PKIA: variants seen among roughly 807,000 people sequenced by gnomAD.
The protein encoded by PKIA is cAMP-dependent protein kinase inhibitor alpha, also known as PKI-alpha.
PKIA carries 4 observed loss-of-function variants against 7.6 expected under a neutral mutation model. The observed-to-expected ratio is 0.52, with a 90% CI of 0.26 to 1.20. PKIA has a LOEUF of 1.20. Among genes scored for constraint, PKIA ranks in the 50% most tolerant of loss-of-function variants. The pLI, the probability that PKIA is intolerant of heterozygous loss-of-function variation, is 0.13. For synonymous variants in PKIA, 21 were observed against 30.7 expected, an observed-to-expected ratio of 0.68 and a Z score of 1.04; for missense variants, 73 against 86.2, an observed-to-expected ratio of 0.85 and a Z score of 0.61.
chr8:78,562,496 C>G (rs1206871277), intron 1 of PKIA, among the ~76,000 whole-genome samples: 1 of 152,192 alleles, frequency 6.6e-6, no homozygotes, highest in South Asian at 2.1e-4. Flanking sequence ...CTCAAGTGCT[C>G]TGGCCCCCTT....
At chr8:78,567,874 T>C (rs897551273) in intron 1 of PKIA, among the ~76,000 whole-genome samples, 1 of 152,200 alleles carries the variant, frequency 6.6e-6, no homozygotes, top group Non-Finnish European at 1.5e-5. Context: ...TTAACCATTA[T>C]GAACTCTTTC....
intron 2 of PKIA, among the ~76,000 whole-genome samples, chr8:78,592,040 AT>A (rs1808110443): frequency 6.6e-6 from 1 of 152,110 alleles, no homozygotes; most frequent in Non-Finnish European, 1.5e-5. Context: ...CAAGTCGTCT[AT>A]ACAGGTATGC....
intron 1 of PKIA, among the ~76,000 whole-genome samples, chr8:78,541,271 T>C (rs965615196): frequency 6.6e-6 from 1 of 152,110 alleles, no homozygotes; most frequent in African/African-American, 2.4e-5. Flanking sequence ...AGTTGCACAG[T>C]TGGCAAGTGG....
chr8:78,544,382 C>T (rs932993683), intron 1 of PKIA, among the ~76,000 whole-genome samples: 3 of 152,200 alleles, frequency 2.0e-5, no homozygotes, highest in Non-Finnish European at 2.9e-5. Flanking sequence ...CCCTTTCTCC[C>T]TGTAATGGGC....
intron 1 of PKIA, among the ~76,000 whole-genome samples, chr8:78,560,365 A>G (rs1461008763): frequency 6.6e-6 from 1 of 152,258 alleles, no homozygotes; most frequent in Non-Finnish European, 1.5e-5. Context: ...AACAAATGAC[A>G]GTAACATTTT....
chr8:78,576,215 A>G (rs1351597719), intron 2 of PKIA, among the ~76,000 whole-genome samples: 9 of 151,984 alleles, frequency 5.9e-5, no homozygotes, highest in African/African-American at 2.2e-4. Context: ...TTTAGTTTGC[A>G]TTTCCCTAAT....
At chr8:78,571,059 T>G (rs899721522) in intron 1 of PKIA, among the ~76,000 whole-genome samples, 1 of 152,082 alleles carries the variant, frequency 6.6e-6, no homozygotes, top group Non-Finnish European at 1.5e-5. Flanking sequence ...TACACTGAAG[T>G]CTAGCTTAAT....
chr8:78,576,831 T>G (rs1437624229), intron 2 of PKIA, among the ~76,000 whole-genome samples: 1 of 152,026 alleles, frequency 6.6e-6, no homozygotes, highest in Non-Finnish European at 1.5e-5. Flanking sequence ...ATTACTGGTT[T>G]TATATACCTA....
intron 1 of PKIA, among the ~76,000 whole-genome samples, chr8:78,519,150 T>A (rs1809369410): frequency 6.6e-6 from 1 of 150,932 alleles, no homozygotes; most frequent in Non-Finnish European, 1.5e-5. Context: ...AAGATAGAAC[T>A]GAAGTCAGTC....
At chr8:78,562,704 C>T (rs935922634) in intron 1 of PKIA, among the ~76,000 whole-genome samples, 1 of 152,126 alleles carries the variant, frequency 6.6e-6, no homozygotes, top group Non-Finnish European at 1.5e-5. Flanking sequence ...TGCTCTGTGT[C>T]TGTCTATCCC....
At chr8:78,589,162 A>C (rs1427258536) in intron 2 of PKIA, among the ~76,000 whole-genome samples, 1 of 152,142 alleles carries the variant, frequency 6.6e-6, no homozygotes, top group Non-Finnish European at 1.5e-5. Flanking sequence ...TAAATGTGAT[A>C]ATAAAGAAAG....
At chr8:78,524,199 T>G (rs1199947703) in intron 1 of PKIA, among the ~76,000 whole-genome samples, 1 of 126,992 alleles carries the variant, frequency 7.9e-6, no homozygotes, top group Non-Finnish European at 1.6e-5. Context: ...TAAACATTTA[T>G]ATTTATATAT....
intron 2 of PKIA, among the ~76,000 whole-genome samples, chr8:78,581,647 A>G (rs1440665154): frequency 1.3e-5 from 2 of 152,116 alleles, no homozygotes; most frequent in Admixed American, 1.3e-4. Context: ...CTACAAAATA[A>G]CTAGTCTGTA....
In PKIA at chr8:78,583,120, T is replaced by C. The variant is rs534898084; in HGVS notation, c.-28+10181T>C. Among the ~76,000 whole-genome samples, 7 of 152,264 alleles carry C rather than the reference T, an allele frequency of 4.6e-5. No homozygotes were observed. In the South Asian group the frequency reaches 1.2e-3, roughly 27 times the overall value. ...GGACACTGAATGAGCTTTCTAAATA[T>C]AGGTTTTTCTTACTTCAAAGGCCTT... On this transcript the variant is annotated intron_variant, in intron 2 of 3. Transcript: ENST00000396418.
chr8:78,579,060 C>T (rs1464890489), intron 2 of PKIA, among the ~76,000 whole-genome samples: 1 of 152,032 alleles, frequency 6.6e-6, no homozygotes, highest in Non-Finnish European at 1.5e-5. Context: ...CATCCCTAAA[C>T]TTTCACTTTC....
chr8:78,589,279 A>T, intron 2 of PKIA, among the ~76,000 whole-genome samples: 1 of 152,330 alleles, frequency 6.6e-6, no homozygotes, highest in Non-Finnish European at 1.5e-5. Context: ...AGCATACAAA[A>T]AAAAGAAAGA....
At chr8:78,568,200 C>T (rs1309512453) in intron 1 of PKIA, among the ~76,000 whole-genome samples, 3 of 152,110 alleles carry the variant, frequency 2.0e-5, no homozygotes, top group Non-Finnish European at 2.9e-5. Context: ...TGCATATGTA[C>T]ATCAAGCTAA....
intron 1 of PKIA, among the ~76,000 whole-genome samples, chr8:78,517,459 C>G (rs140218960): frequency 1.3e-5 from 2 of 152,126 alleles, no homozygotes; most frequent in Non-Finnish European, 2.9e-5. Context: ...CAATTTTAGT[C>G]CAGTTGGATT....
At chr8:78,559,230 G>A (rs1443172855) in intron 1 of PKIA, among the ~76,000 whole-genome samples, 1 of 152,040 alleles carries the variant, frequency 6.6e-6, no homozygotes, top group African/African-American at 2.4e-5. Flanking sequence ...CCCTTTATGG[G>A]TATTTTTAAA....
Sources: allele counts gnomAD v4.1 joint callset (sites outside exome capture counted in the v4.1 genomes callset), GRCh38; gene constraint gnomAD v4.1.1; transcripts MANE v1.5; gene names NCBI Gene and HGNC (gene_info 2026-07-23, HGNC 2026-07-21).